The following ANKLE2 variants were observed in gnomAD, a reference collection of about 807,000 sequenced individuals.
ANKLE2 encodes ankyrin repeat and LEM domain-containing protein 2.
Under a neutral mutation model 84.2 loss-of-function variants are expected in ANKLE2, and 55 were observed. That is an observed-to-expected ratio of 0.65 (90% confidence interval 0.53 to 0.82). The LOEUF (loss-of-function observed/expected upper bound fraction) is 0.82, where lower values mean the gene tolerates loss of function less well. ANKLE2 is among the 40% of genes least tolerant of loss of function. The pLI, the probability that ANKLE2 is intolerant of heterozygous loss-of-function variation, is 0.00. For missense variants in ANKLE2, 1,238 were observed against 1,201.9 expected (o/e 1.03, Z -0.44); for synonymous variants, 551 against 486.1 (o/e 1.13, Z -1.76).
chr12:132,759,628 T>TATATGTGCTATATCATA (rs1566042726), intron 1 of ANKLE2: 1 of 146,074 alleles, frequency 6.8e-6, no homozygotes, highest in African/African-American at 2.8e-5. Context: ...CAGTATTTTT[T>TATATGTGCTATATCATA]TATTTCAGCC....
intron 3 of ANKLE2, chr12:132,748,862 T>G: frequency 1.9e-5 from 1 of 53,228 alleles, no homozygotes; most frequent in East Asian, 3.3e-4. Context: ...CTTATATACA[T>G]ATATATATAT....
chr12:132,733,874 A>C, intron 10 of ANKLE2: 1 of 437,098 alleles, frequency 2.3e-6, no homozygotes, highest in South Asian at 1.6e-5. Flanking sequence ...AGAAAACGGC[A>C]CAGAATGAAA....
chr12:132,734,049 A>G (rs1263230135), intron 10 of ANKLE2: 1 of 467,638 alleles, frequency 2.1e-6, no homozygotes, highest in Non-Finnish European at 4.2e-6. Context: ...CAGCCTGGTC[A>G]ATACGGTGAA....
chr12:132,728,103 G>T lies in ANKLE2; in HGVS notation c.2544C>A (p.Asp848Glu). The T allele has an allele frequency of 6.2e-7, 1 of 1,613,004 alleles. No homozygotes were observed. The highest frequency in any genetic ancestry group is 8.5e-7 in the Non-Finnish European group (1 of 1,179,942). The change falls in exon 12 of 13, where the codon GAC becomes GAA. Residue 848 changes from aspartate to glutamate, a missense_variant. Around this residue, in one of 3 missense-constraint regions of ANKLE2, gnomAD observed 802 missense variants for 774.5 expected, o/e 1.04. Transcript: ENST00000357997. ...VLAALECADVDPHQFPAVHRW... is the reference protein window; with the variant it reads ...VLAALECADVEPHQFPAVHRW... ...TGTGCACGGCCGGGAACTGATGGGG[G>T]TCGACGTCTGCACATTCAAGAGCGG...
intron 1 of ANKLE2, chr12:132,758,214 A>G (rs567687747): frequency 6.6e-6 from 1 of 152,316 alleles, no homozygotes; most frequent in South Asian, 2.1e-4. Context: ...GTTTGAGACC[A>G]GCCTGGCCAA....
At chr12:132,736,802 A>T in intron 8 of ANKLE2, 91 bp downstream of exon 8, 1 of 1,443,768 alleles carries the variant, frequency 6.9e-7, no homozygotes. Context: ...ATGGTCCCTG[A>T]GACCACGCAC....
Position 132,728,138 on chromosome 12 carries a change from C to G in ANKLE2, c.2509G>C (p.Asp837His). 6.2e-7 allele frequency: 1 copy of G among 1,612,784 alleles called. No individual in the cohort carries two copies. The highest frequency in any genetic ancestry group is 8.5e-7 in the Non-Finnish European group (1 of 1,179,894). ...FGEEPSKLDQ[D>H]VLAALECADV... ...GCACATTCAAGAGCGGCCAAAACAT[C>G]CTGATCGAGTTTTGATGGCTCCTCT... The change falls in exon 12 of 13, where the codon GAT becomes CAT. Residue 837 changes from aspartate (D) to histidine (H), a missense_variant. Transcript: ENST00000357997.
At chr12:132,746,217 C>T (rs559360563) in intron 5 of ANKLE2, among the ~76,000 whole-genome samples, 4 of 152,090 alleles carry the variant, frequency 2.6e-5, no homozygotes, top group South Asian at 2.1e-4. Context: ...GGCATGGTGG[C>T]GGGTGCCTGT....
At chr12:132,747,664 C>T (rs2044267393) in intron 5 of ANKLE2, among the ~76,000 whole-genome samples, 168 bp downstream of exon 5, 1 of 152,154 alleles carries the variant, frequency 6.6e-6, no homozygotes, top group Non-Finnish European at 1.5e-5. Flanking sequence ...CGCTCGGTGC[C>T]CTTTGTCCAG....
chr12:132,727,315 G>A lies in ANKLE2; in HGVS notation c.2744C>T (p.Pro915Leu), dbSNP rs1056547024. ...SNPAKPGLGSPGRYSPVHGSQ... is the reference protein window; with the variant it reads ...SNPAKPGLGSLGRYSPVHGSQ... Reference sequence around the variant, plus strand: ...CCCGTGCACGGGGCTGTAGCGCCCAGGACTGCCCAGGCCTGGCTTTGCGGG... The same window carrying A: ...CCCGTGCACGGGGCTGTAGCGCCCAAGACTGCCCAGGCCTGGCTTTGCGGG... The change falls in exon 13 of 13, where the codon CCT becomes CTT. Residue 915 changes from proline to leucine, a missense_variant. This residue lies in a region of ANKLE2 where 802 missense variants were observed against 774.5 expected (regional missense o/e 1.04). Transcript: ENST00000357997. 1.3e-6 allele frequency: 2 copies of A among 1,563,596 alleles called. No individual in the cohort carries two copies.
chr12:132,727,708 C>A (rs897527748), intron 12 of ANKLE2, among the ~76,000 whole-genome samples: 39 of 151,812 alleles, frequency 2.6e-4, no homozygotes, highest in Admixed American at 2.4e-3. Flanking sequence ...GGAGGAGAGG[C>A]ACTGCTGAAC....
chr12:132,751,157 A>AT (rs1346942319), intron 2 of ANKLE2: 2 of 213,296 alleles, frequency 9.4e-6, no homozygotes, highest in Non-Finnish European at 1.8e-5. Flanking sequence ...TAAAAGGCAA[A>AT]TTAAAAAAAA....
At chr12:132,741,846 G>C (rs1458784952) in intron 6 of ANKLE2, 5 of 469,210 alleles carry the variant, frequency 1.1e-5, no homozygotes, top group Non-Finnish European at 1.7e-5. Flanking sequence ...AGGAAGCCTG[G>C]TCATACACAA....
rs113918887 is a variant in ANKLE2, at chr12:132,744,471, C to T, written c.1231-1195G>A. Among the ~76,000 whole-genome samples the T allele has an allele frequency of 1.6e-3, 240 of 152,238 alleles. 1 individual carries two copies. Among genetic ancestry groups the T allele is most frequent in the African/African-American group, 4.5e-3 (186 of 41,536 alleles). ...ACCCTGCGGCCTGCACTGACACCCC[C>T]GCCTCCACTCCCTGGCAACACAGCC... On this transcript the variant is annotated intron_variant, in intron 5 of 12. Transcript: ENST00000357997.
intron 7 of ANKLE2, among the ~76,000 whole-genome samples, chr12:132,740,211 C>T (rs894074532): frequency 3.3e-5 from 5 of 152,214 alleles, no homozygotes; most frequent in Non-Finnish European, 7.3e-5. Context: ...TGAGGAGGAA[C>T]TCTCGCCGCT....
rs531605640 is a variant in ANKLE2, at chr12:132,725,705, A to C, written c.*1537T>G. On this transcript the variant is annotated 3_prime_UTR_variant, in exon 13 of 13. Coordinates refer to ENST00000357997, the MANE Select transcript of ANKLE2 (RefSeq NM_015114.3). The stretch of plus-strand genomic sequence containing the variant: ...CGTTTTACTTTCCATTTGAATTTAC[A>C]ACCATATACAGACAATATGGTAAGA... 2 of 152,342 alleles carry C rather than the reference A, an allele frequency of 1.3e-5. No individual in the cohort carries two copies. Among genetic ancestry groups the C allele is most frequent in the East Asian group, 3.8e-4 (2 of 5,196 alleles). The allele number at this position is 152,342 out of a possible 1,614,324, so 9.4% of individuals were successfully genotyped here. A position where few individuals can be genotyped will look rare whatever the true frequency, so the allele number is the denominator to read the frequency against.
At chr12:132,734,630 A>C (rs1007434947) in intron 9 of ANKLE2, 55 bp from the exon 10 acceptor site, 4 of 1,522,894 alleles carry the variant, frequency 2.6e-6, no homozygotes, top group Non-Finnish European at 3.5e-6. Context: ...AATACTCAGA[A>C]CTACACAGAA....
At chr12:132,747,261 C>T (rs537222959) in intron 5 of ANKLE2, among the ~76,000 whole-genome samples, 2 of 151,406 alleles carry the variant, frequency 1.3e-5, no homozygotes, top group East Asian at 3.9e-4. Flanking sequence ...TCTCACACCA[C>T]AGCCCTGCGT....
Position 132,727,447 on chromosome 12 carries a change from C to T in ANKLE2, c.2616-4G>A, listed in dbSNP as rs755772391. On this transcript the variant is annotated splice_region_variant and splice_polypyrimidine_tract_variant and intron_variant, in intron 12 of 12. Coordinates refer to ENST00000357997, the MANE Select transcript of ANKLE2 (RefSeq NM_015114.3). ...TTTCACCGCGGGACTGGGCCAACTGCGGAAAGCAAGAAAGAACTGTTAGCA... is the reference window on the plus strand; with the variant it reads ...TTTCACCGCGGGACTGGGCCAACTGTGGAAAGCAAGAAAGAACTGTTAGCA... The T allele has an allele frequency of 3.0e-5, 47 of 1,552,472 alleles. No homozygotes were observed. The highest frequency in any genetic ancestry group is 1.4e-4 in the Admixed American group (7 of 51,148).
Sources: allele counts gnomAD v4.1 joint callset (sites outside exome capture counted in the v4.1 genomes callset), GRCh38; gene constraint gnomAD v4.1.1; regional missense constraint gnomAD v4.1.1; transcripts MANE v1.5; gene names NCBI Gene and HGNC (gene_info 2026-07-23, HGNC 2026-07-21).